Variants in HCFC1 observed in about 807,000 individuals in gnomAD.
The protein encoded by HCFC1 is host cell factor C1.
A neutral mutation model predicts 105.5 loss-of-function variants in HCFC1; 7 were observed. The ratio of observed to expected loss-of-function variants is 0.07; its 90% CI spans 0.04 to 0.12. The LOEUF (loss-of-function observed/expected upper bound fraction) is 0.12. Among genes scored for constraint, HCFC1 ranks in the 10% least tolerant of loss-of-function variants. HCFC1 has a pLI of 1.00. For missense variants in HCFC1, 1,065 were observed against 1,823.6 expected (o/e 0.58, Z 7.58); for synonymous variants, 918 against 828.1 (o/e 1.11, Z -1.86).
chrX:153,954,214 C>G lies in HCFC1; in HGVS notation c.4185G>C (p.Ala1395=). The G allele has an allele frequency of 8.3e-7, 1 of 1,208,186 alleles. No homozygotes were observed. The highest frequency in any genetic ancestry group is 1.1e-6 in the Non-Finnish European group (1 of 894,309). The change falls in exon 17 of 26, where the codon GCG becomes GCC. Residue 1395 remains alanine (A), a synonymous_variant. Coordinates refer to ENST00000310441, the MANE Select transcript of HCFC1 (RefSeq NM_005334.3). ...RTVESGLEVA[A]APSVTPQAGT... ...CAGCCTGGGGGGTGACGCTGGGTGC[C>G]GCCGCCACCTCTAGGCCAGACTCCA...
rs782336972 is a variant in HCFC1, at chrX:153,967,538, G to A, written c.194-2812C>T. 6.3e-5 allele frequency among the ~76,000 whole-genome samples: 7 copies of A among 111,972 alleles called. No homozygotes were observed. The South Asian group carries it at 2.6e-3, about 42-fold the overall frequency. ...TTAGAGCATTTCCTGTGTGGCATAC[G>A]ACGTGCTGGGAGGCACAGAGGACAC... is the stretch of plus-strand genomic sequence containing the variant. On this transcript the variant is annotated intron_variant, in intron 1 of 25. Transcript: ENST00000310441.
At chrX:153,955,814 C>T (rs1569546770) in intron 16 of HCFC1, among the ~76,000 whole-genome samples, 1 of 112,886 alleles carries the variant, frequency 8.9e-6, no homozygotes, top group Non-Finnish European at 1.9e-5. Flanking sequence ...AAGTCAAGTC[C>T]TTTGTCAGAG....
rs988803841 is a variant in HCFC1 at position 153,949,074 on chromosome X, T to G, written c.*273A>C. The stretch of plus-strand genomic sequence containing the variant: ...GCTCCGCCTTCCCTCCCCGCAAAAG[T>G]CTCTCCCCAGGGTGGGCGGCAGCGG... On this transcript the variant is annotated 3_prime_UTR_variant, in exon 26 of 26. Coordinates refer to ENST00000310441, the MANE Select transcript of HCFC1 (RefSeq NM_005334.3). 1 of 263,381 alleles carries G rather than the reference T, an allele frequency of 3.8e-6. No homozygotes were observed. Among genetic ancestry groups the G allele is most frequent in the East Asian group, 6.7e-5 (1 of 14,888 alleles). 21.7% of individuals were successfully genotyped at this position (263,381 alleles called of 1,213,427 possible).
Position 153,956,777 on chromosome X carries a change from G to C in HCFC1, c.2497-14C>G, listed in dbSNP as rs2065381359. 1 of 1,208,520 alleles carries C rather than the reference G, an allele frequency of 8.3e-7. No homozygotes were observed. Among genetic ancestry groups the C allele is most frequent in the African/African-American group, 1.7e-5 (1 of 57,225 alleles). ...CTTAAGCACCACCTGGAACACCAGAGGAAAGTGCCACCAACGTCACCACCA... is the reference window on the plus strand; with the variant it reads ...CTTAAGCACCACCTGGAACACCAGACGAAAGTGCCACCAACGTCACCACCA... On this transcript the variant is annotated splice_polypyrimidine_tract_variant and intron_variant, in intron 14 of 25. Coordinates refer to ENST00000310441, the MANE Select transcript of HCFC1 (RefSeq NM_005334.3).
At chrX:153,952,433 G>C in intron 19 of HCFC1, 81 bp downstream of exon 19, 1 of 1,012,615 alleles carries the variant, frequency 9.9e-7, no homozygotes, top group Non-Finnish European at 1.3e-6. Flanking sequence ...CGAGGGAAAT[G>C]GGCTCCTCTT....
At position 153,958,031 on chromosome X, in the gene HCFC1, A is replaced by C; in HGVS notation, c.2022T>G (p.Ser674Arg). 1 of 1,208,003 alleles carries C rather than the reference A, an allele frequency of 8.3e-7. No homozygotes were observed. Among genetic ancestry groups the C allele is most frequent in the Non-Finnish European group, 1.1e-6 (1 of 891,993 alleles). ...VKSPISVPGG[S>R]ALISNLGKVM... ...GGCAGCACCCATCACTCACCAGAGC[A>C]CTGCCTCCTGGGACAGAGATGGGGC... The change falls in exon 11 of 26, where the codon AGT (serine) becomes AGG (arginine). Residue 674 changes from serine (S) to arginine (R), a missense_variant. This residue lies in a region of HCFC1 where 137 missense variants were observed against 378.2 expected (regional missense o/e 0.36). Transcript: ENST00000310441.
At chrX:153,963,161 G>A (rs1348234048) in intron 4 of HCFC1, 64 bp downstream of exon 4, 5 of 892,180 alleles carry the variant, frequency 5.6e-6, no homozygotes, top group Admixed American at 2.2e-5. Flanking sequence ...CGCCACCCAC[G>A]GGGCCAGCCA....
rs1004412459 is a variant in HCFC1, at chrX:153,954,157, C to G, written c.4242G>C (p.Gln1414His). 24 of 1,204,587 alleles carry G rather than the reference C, an allele frequency of 2.0e-5. No individual in the cohort carries two copies. Among genetic ancestry groups the G allele is most frequent in the Non-Finnish European group, 2.4e-5 (21 of 892,960 alleles). ...CACAGGGGGGGTTGGAGCACACCCT[C>G]TGTGTTGGGAAAGGAGCCAGCAGCG... ...GTALLAPFPT[Q>H]RVCSNPPCET... The change falls in exon 17 of 26, where the codon CAG (glutamine) becomes CAC (histidine). Residue 1414 changes from glutamine (Q) to histidine (H), a missense_variant. This residue lies in a region of HCFC1 where 546 missense variants were observed against 599.9 expected (regional missense o/e 0.91). Transcript: ENST00000310441.
intron 1 of HCFC1, among the ~76,000 whole-genome samples, chrX:153,966,528 C>G (rs2065475056): frequency 8.9e-6 from 1 of 112,833 alleles, no homozygotes; most frequent in East Asian, 2.8e-4. Flanking sequence ...CAAGAGCTGC[C>G]AAGGCCAACA....
chrX:153,954,980 G>A lies in HCFC1; in HGVS notation c.3419C>T (p.Ala1140Val). 8.3e-7 allele frequency: 1 copy of A among 1,203,976 alleles called. No homozygotes were observed. Among genetic ancestry groups the A allele is most frequent in the Non-Finnish European group, 1.1e-6 (1 of 892,502 alleles). The change falls in exon 17 of 26, where the codon GCA (alanine) becomes GTA (valine). Residue 1140 changes from alanine (A) to valine (V), a missense_variant. Transcript: ENST00000310441. ...CCGGATCACGGCAGGGGTGCCAGCT[G>A]CACAGGCCCGACGGGCATCTCGCTG... is the stretch of plus-strand genomic sequence containing the variant. ...NHQRDARRAC[A>V]AGTPAVIRIS...
Position 153,963,367 on chromosome X carries a change from G to A in HCFC1, c.570C>T (p.Pro190=), listed in dbSNP as rs2065446940. The change falls in exon 4 of 26, where the codon CCC becomes CCT. Residue 190 remains proline (P), a synonymous_variant. Coordinates refer to ENST00000310441, the MANE Select transcript of HCFC1 (RefSeq NM_005334.3). The part of the protein sequence containing the change: ...PGSGVVAWDI[P]ITYGVLPPPR... ...GTGGTGGTAGGACCCCGTAAGTGAT[G>A]GGAATGTCCCAGGCTACCACTCCAG... is the stretch of plus-strand genomic sequence containing the variant. The A allele has an allele frequency of 8.3e-6, 10 of 1,208,200 alleles. No homozygotes were observed. The highest frequency in any genetic ancestry group is 1.7e-5 in the African/African-American group (1 of 57,322).
chrX:153,959,768 C>G, intron 8 of HCFC1, 34 bp downstream of exon 8: 1 of 1,148,912 alleles, frequency 8.7e-7, no homozygotes, highest in Non-Finnish European at 1.2e-6. Context: ...AGGCTAGCCC[C>G]CTACTTTCAA....
At chrX:153,963,516 T>G in intron 3 of HCFC1, 83 bp from the exon 4 acceptor site, 1 of 641,511 alleles carries the variant, frequency 1.6e-6, no homozygotes, top group East Asian at 3.5e-5. Flanking sequence ...AGTGGCAGCC[T>G]CCCCAGAACA....
rs377467572 is a variant in HCFC1 at position 153,954,436 on chromosome X, T to C, written c.3963A>G (p.Pro1321=). 355 of 1,204,474 alleles carry C rather than the reference T, an allele frequency of 2.9e-4. No homozygotes were observed. The highest frequency in any genetic ancestry group is 3.6e-4 in the Non-Finnish European group (322 of 892,615). ...GSAQRVCSNP[P]CETHETGTTH... ...TGGTGCCCGTCTCGTGGGTCTCGCATGGCGGGTTGGAGCACACCCTCTGGG... is the reference window on the plus strand; with the variant it reads ...TGGTGCCCGTCTCGTGGGTCTCGCACGGCGGGTTGGAGCACACCCTCTGGG... The change falls in exon 17 of 26, where the codon CCA becomes CCG. Residue 1321 remains proline, a synonymous_variant. Coordinates refer to ENST00000310441, the MANE Select transcript of HCFC1 (RefSeq NM_005334.3).
intron 1 of HCFC1, among the ~76,000 whole-genome samples, chrX:153,969,122 G>T (rs187001332): frequency 1.8e-5 from 2 of 111,464 alleles, no homozygotes; most frequent in South Asian, 7.7e-4. Context: ...TTCTGCCTTG[G>T]GGGGTGGGGA....
In HCFC1 at chrX:153,964,291, A is replaced by C. The variant is rs782489584; in HGVS notation, c.343-7T>G. 2 of 1,166,641 alleles carry C rather than the reference A, an allele frequency of 1.7e-6. No homozygotes were observed. Among genetic ancestry groups the C allele is most frequent in the African/African-American group, 3.6e-5 (2 of 55,555 alleles). On this transcript the variant is annotated splice_region_variant and splice_polypyrimidine_tract_variant and intron_variant, in intron 2 of 25. Transcript: ENST00000310441. ...TCCACTCCCACCGGCTCGCCTGCAA[A>C]ATCAAGACCTGGAGACTGAACCGTG...
intron 18 of HCFC1, 83 bp downstream of exon 18, chrX:153,953,524 G>A (rs2065335943): frequency 9.8e-7 from 1 of 1,016,647 alleles, no homozygotes; most frequent in African/African-American, 1.9e-5. Context: ...CCTGGTACAA[G>A]AGCGACATCT....
chrX:153,962,241 C>A lies in HCFC1; in HGVS notation c.778G>T (p.Ala260Ser), dbSNP rs782799861. The change falls in exon 5 of 26, where the codon GCA becomes TCA. Residue 260 changes from alanine (A) to serine (S), a missense_variant. Coordinates refer to ENST00000310441, the MANE Select transcript of HCFC1 (RefSeq NM_005334.3). ...VAPLPRSLHS[A>S]TTIGNKMYVF... Reference sequence around the variant, plus strand: ...ACTTACTTATTTCCGATGGTGGTTGCCGAGTGGAGACTGCGAGGAAGAGGC... The same window carrying A: ...ACTTACTTATTTCCGATGGTGGTTGACGAGTGGAGACTGCGAGGAAGAGGC... The A allele has an allele frequency of 1.7e-6, 2 of 1,209,037 alleles. No homozygotes were observed. The highest frequency in any genetic ancestry group is 2.2e-6 in the Non-Finnish European group (2 of 893,298).
chrX:153,951,237 C>T, intron 22 of HCFC1, 113 bp downstream of exon 22: 1 of 904,176 alleles, frequency 1.1e-6, no homozygotes. Context: ...CTTCCTCAGG[C>T]TTCCTGGCTA....
Sources: gnomAD v4.1 joint callset for allele counts (sites outside exome capture counted in the v4.1 genomes callset) on GRCh38, gnomAD v4.1.1 for gene constraint, gnomAD v4.1.1 regional missense constraint, MANE v1.5 for transcripts, NCBI Gene and HGNC (gene_info 2026-07-23, HGNC 2026-07-21) for gene names.